The following ERN2 variants were observed in gnomAD, a reference collection of about 807,000 sequenced individuals.
ERN2 encodes the protein endoplasmic reticulum to nucleus signaling 2.
A neutral mutation model predicts 107.9 loss-of-function variants in ERN2; 111 were observed. The ratio of observed to expected loss-of-function variants is 1.03; its 90% CI spans 0.88 to 1.20. ERN2 has a LOEUF of 1.20. Among genes scored for constraint, ERN2 ranks in the 50% most tolerant of loss-of-function variants. ERN2 has a pLI of 0.00. For synonymous variants in ERN2, 524 were observed against 501.7 expected, an observed-to-expected ratio of 1.04 and a Z score of -0.59; for missense variants, 1,225 against 1,197.9, an observed-to-expected ratio of 1.02 and a Z score of -0.33.
chr16:23,705,334 A>C (rs1373468185), intron 7 of ERN2, among the ~76,000 whole-genome samples, 187 bp from the exon 8 acceptor site: 4 of 152,202 alleles, frequency 2.6e-5, no homozygotes, highest in Non-Finnish European at 5.9e-5. Flanking sequence ...GGTCATTCAA[A>C]GGTGACTCAG....
chr16:23,699,925 G>A (rs1390992296), intron 13 of ERN2, among the ~76,000 whole-genome samples: 2 of 152,146 alleles, frequency 1.3e-5, no homozygotes, highest in African/African-American at 4.8e-5. Flanking sequence ...TGAACTGGAT[G>A]TTATTATTCC....
Position 23,704,931 on chromosome 16 carries a change from C to T in ERN2, c.806G>A (p.Gly269Asp), listed in dbSNP as rs781352386. ...RWGHIRLPAS[G>D]PRDTATLFST... is the part of the protein sequence containing the mutation. ...GAAGAGGGTGGCTGTGTCCCGGGGG[C>T]CTGAGGCAGGCAGTCGGATGTGGCC... Residue 269 changes from glycine to aspartate, a missense_variant, in exon 8 of 22, where the codon GGC (glycine) becomes GAC (aspartate). By Grantham distance (94) the Gly-to-Asp change is moderately conservative. Transcript: ENST00000256797. The T allele has an allele frequency of 5.6e-6, 9 of 1,613,530 alleles. No individual in the cohort carries two copies. The East Asian group carries it at 1.8e-4, about 32-fold the overall frequency.
At chr16:23,707,230 G>A in intron 4 of ERN2, 151 bp from the exon 5 acceptor site, 2 of 656,756 alleles carry the variant, frequency 3.0e-6, no homozygotes, top group South Asian at 3.5e-5. Flanking sequence ...GAGAGGCCAT[G>A]TAACTTGGCT....
rs371364191 is a variant in ERN2 at position 23,710,558 on chromosome 16, A to C, written c.200-9T>G. 5 of 1,614,132 alleles carry C rather than the reference A, an allele frequency of 3.1e-6. No homozygotes were observed. The highest frequency in any genetic ancestry group is 1.7e-4 in the Middle Eastern group (1 of 6,060). ...TCCTTCGATGACGGGATCTGCAGGG[A>C]CAGGGACACAGAACATAAGCAGTTT... On this transcript the variant is annotated splice_polypyrimidine_tract_variant and intron_variant, in intron 2 of 21. Coordinates refer to ENST00000256797, the MANE Select transcript of ERN2 (RefSeq NM_033266.4).
chr16:23,709,345 C>T (rs978661756), intron 4 of ERN2: 2 of 320,802 alleles, frequency 6.2e-6, no homozygotes, highest in Non-Finnish European at 1.2e-5. Flanking sequence ...AAAGCACATT[C>T]CACCCCATTC....
At chr16:23,707,918 C>G (rs1163563679) in intron 4 of ERN2, among the ~76,000 whole-genome samples, 8 of 152,316 alleles carry the variant, frequency 5.3e-5, no homozygotes, top group Non-Finnish European at 1.5e-5. Context: ...ATCCTCCACC[C>G]TTCTCTACTC....
At chr16:23,702,741 T>G in intron 8 of ERN2, 39 bp from the exon 9 acceptor site, 1 of 1,538,954 alleles carries the variant, frequency 6.5e-7, no homozygotes. Context: ...GAATGAATGC[T>G]GGTGATGGGT....
At chr16:23,696,520 A>G (rs1332185665) in intron 13 of ERN2, 1 of 153,506 alleles carries the variant, frequency 6.5e-6, no homozygotes, top group African/African-American at 2.4e-5. Flanking sequence ...TAGCCACAGA[A>G]AAAAGACTGG....
rs1483307794 is a variant in ERN2 at position 23,710,829 on chromosome 16, A to C, written c.199+84T>G. 2.8e-6 allele frequency: 3 copies of C among 1,053,220 alleles called. No individual in the cohort carries two copies. The African/African-American group carries it at 4.7e-5, about 16-fold the overall frequency. 65.2% of individuals were successfully genotyped at this position (1,053,220 alleles called of 1,614,324 possible). A position where few individuals can be genotyped will look rare whatever the true frequency, so the allele number is the denominator to read the frequency against. On this transcript the variant is annotated intron_variant, in intron 2 of 21. Transcript: ENST00000256797. The stretch of plus-strand genomic sequence containing the variant: ...ACCAGCTTATTGGATTCTAGAGCCC[A>C]TGTTCTTATTCTCTATGCCACAGTG...
Position 23,707,011 on chromosome 16 carries a change from G to A in ERN2, c.375C>T (p.Tyr125=), listed in dbSNP as rs1445203683. 5.0e-6 allele frequency: 8 copies of A among 1,613,794 alleles called. No individual in the cohort carries two copies. Among genetic ancestry groups the A allele is most frequent in the South Asian group, 2.2e-5 (2 of 91,074 alleles). Residue 125 remains tyrosine (Y), a synonymous_variant, in exon 5 of 22, where the codon TAC becomes TAT. Coordinates refer to ENST00000256797, the MANE Select transcript of ERN2 (RefSeq NM_033266.4). ...SPCRSSDGVF[Y]TGRKQDAWFV... The stretch of plus-strand genomic sequence containing the variant: ...ACAGGCTGAAGAGATGCTCACCTGT[G>A]TAGAAGACCCCATCAGAGCTGCGGC...
At chr16:23,694,122 A>G (rs536345364) in intron 17 of ERN2, among the ~76,000 whole-genome samples, 31 of 152,110 alleles carry the variant, frequency 2.0e-4, no homozygotes, top group Admixed American at 2.0e-3. Flanking sequence ...CAGCCTCCCA[A>G]GTAGCTGGGA....
At chr16:23,707,991 C>T (rs1960392086) in intron 4 of ERN2, among the ~76,000 whole-genome samples, 1 of 152,192 alleles carries the variant, frequency 6.6e-6, no homozygotes, top group Non-Finnish European at 1.5e-5. Flanking sequence ...GCTCTAGCTT[C>T]CTGCTGGGTT....
chr16:23,703,388 C>T (rs924409161), intron 8 of ERN2, among the ~76,000 whole-genome samples: 3 of 152,190 alleles, frequency 2.0e-5, no homozygotes, highest in African/African-American at 4.8e-5. Flanking sequence ...TGCTCACAAT[C>T]GTCAAACTCC....
chr16:23,693,229 G>A (rs1959671079), intron 17 of ERN2, among the ~76,000 whole-genome samples: 1 of 151,830 alleles, frequency 6.6e-6, no homozygotes, highest in African/African-American at 2.4e-5. Flanking sequence ...AGGAGTTTAA[G>A]GCTGCAGTAA....
At chr16:23,712,250 T>G (rs1033890666) in intron 1 of ERN2, 1 of 165,436 alleles carries the variant, frequency 6.0e-6, no homozygotes, top group African/African-American at 2.4e-5. Context: ...GCAGATTGGT[T>G]GCCCAGAAAT....
chr16:23,710,770 A>G, intron 2 of ERN2, 143 bp downstream of exon 2: 1 of 819,432 alleles, frequency 1.2e-6, no homozygotes. Flanking sequence ...TCTCAAGGCC[A>G]CACAGCTGGT....
chr16:23,713,217 G>T lies in ERN2; in HGVS notation c.-30C>A. 6.3e-7 allele frequency: 1 copy of T among 1,579,402 alleles called. No homozygotes were observed. The highest frequency in any genetic ancestry group is 2.3e-5 in the East Asian group (1 of 42,958). On this transcript the variant is annotated 5_prime_UTR_variant, in exon 1 of 22. Transcript: ENST00000256797. ...CCTGGGCAGCTGCACGGCTGGCCAG[G>T]TCCCTGGGTGCCTCCAAGGGAGCGC...
At chr16:23,704,190 G>A (rs1482301223) in intron 8 of ERN2, among the ~76,000 whole-genome samples, 2 of 152,300 alleles carry the variant, frequency 1.3e-5, no homozygotes, top group East Asian at 1.9e-4. Context: ...AATAAGGTAA[G>A]TTAAATAAGG....
intron 1 of ERN2, chr16:23,712,098 C>G (rs1385251182): frequency 6.8e-6 from 3 of 441,054 alleles, no homozygotes; most frequent in African/African-American, 6.0e-5. Context: ...CCACATCCTG[C>G]TTCAGGACCC....
Sources: allele counts gnomAD v4.1 joint callset (sites outside exome capture counted in the v4.1 genomes callset), GRCh38; gene constraint gnomAD v4.1.1; transcripts MANE v1.5; gene names NCBI Gene and HGNC (gene_info 2026-07-23, HGNC 2026-07-21).